PDZRN4: variants seen among roughly 807,000 people sequenced by gnomAD.
PDZRN4 encodes PDZ domain-containing RING finger protein 4.
Under a neutral mutation model 99.0 loss-of-function variants are expected in PDZRN4, and 70 were observed. That is an observed-to-expected ratio of 0.71 (90% CI 0.58 to 0.86). The LOEUF (loss-of-function observed/expected upper bound fraction) is 0.86, where lower values mean the gene tolerates loss of function less well. Ranked by LOEUF, PDZRN4 falls within the 40% of genes least tolerant of loss-of-function variation. The pLI is 0.00. For missense variants in PDZRN4, 1,474 were observed against 1,331.2 expected (o/e 1.11, Z -1.67); for synonymous variants, 551 against 501.6 (o/e 1.10, Z -1.32).
chr12:41,261,546 G>A (rs1261648119), intron 3 of PDZRN4, among the ~76,000 whole-genome samples: 2 of 152,168 alleles, frequency 1.3e-5, no homozygotes, highest in African/African-American at 2.4e-5. Flanking sequence ...CTGGAGTGCC[G>A]TGGCGCGATC....
chr12:41,293,492 T>C (rs1951470257), intron 3 of PDZRN4, among the ~76,000 whole-genome samples: 1 of 151,822 alleles, frequency 6.6e-6, no homozygotes, highest in Non-Finnish European at 1.5e-5. Context: ...CCCAACTCTC[T>C]CTGCCAGTAT....
In PDZRN4 at chr12:41,458,041, C is replaced by A. The variant is rs1282213213; in HGVS notation, c.844-48415C>A. Among the ~76,000 whole-genome samples the A allele has an allele frequency of 4.6e-5, 7 of 152,146 alleles. No homozygotes were observed. In the South Asian group the frequency reaches 6.2e-4, roughly 14 times the overall value. Reference sequence around the variant, plus strand: ...ACCAGAAAACTTCATGAAGAACATGCAATTCAAACTATTCCTTGACAGATG... The same window carrying A: ...ACCAGAAAACTTCATGAAGAACATGAAATTCAAACTATTCCTTGACAGATG... On this transcript the variant is annotated intron_variant, in intron 3 of 9. Coordinates refer to ENST00000402685, the MANE Select transcript of PDZRN4 (RefSeq NM_001164595.2).
At chr12:41,280,062 G>A (rs1416154167) in intron 3 of PDZRN4, among the ~76,000 whole-genome samples, 2 of 152,112 alleles carry the variant, frequency 1.3e-5, no homozygotes, top group Non-Finnish European at 2.9e-5. Context: ...ACCCATGGAG[G>A]GCGAGCAGAA....
At chr12:41,564,841 C>A (rs1256827641) in intron 8 of PDZRN4, among the ~76,000 whole-genome samples, 1 of 152,008 alleles carries the variant, frequency 6.6e-6, no homozygotes, top group Non-Finnish European at 1.5e-5. Flanking sequence ...CTCCCATTTT[C>A]TTCAAAAAAG....
At chr12:41,399,746 A>G (rs1189473713) in intron 3 of PDZRN4, among the ~76,000 whole-genome samples, 1 of 152,120 alleles carries the variant, frequency 6.6e-6, no homozygotes, top group Non-Finnish European at 1.5e-5. Flanking sequence ...CAAAAAAAAA[A>G]AAAAGTATTT....
chr12:41,205,991 G>T (rs1950847624), intron 3 of PDZRN4, among the ~76,000 whole-genome samples: 1 of 151,888 alleles, frequency 6.6e-6, no homozygotes, highest in South Asian at 2.1e-4. Flanking sequence ...CACTGTGCTT[G>T]TGATGTCCAC....
rs2090620149 is a variant in PDZRN4, at chr12:41,449,741, T to C, written c.844-56715T>C. ...TAGGATATATCTGTGTAAAATTAAA[T>C]GAATCAATTATTGACTTAGTAATTG... On this transcript the variant is annotated intron_variant, in intron 3 of 9. Coordinates refer to ENST00000402685, the MANE Select transcript of PDZRN4 (RefSeq NM_001164595.2). Among the ~76,000 whole-genome samples the C allele has an allele frequency of 3.3e-5, 5 of 152,228 alleles. No homozygotes were observed. In the South Asian group the frequency reaches 1.0e-3, roughly 32 times the overall value.
chr12:41,573,346 T>C lies in PDZRN4; in HGVS notation c.2567T>C (p.Leu856Ser). The C allele has an allele frequency of 6.2e-7, 1 of 1,613,308 alleles. No homozygotes were observed. Among genetic ancestry groups the C allele is most frequent in the Non-Finnish European group, 8.5e-7 (1 of 1,180,016 alleles). The change falls in exon 10 of 10, where the codon TTA becomes TCA. Residue 856 changes from leucine to serine, a missense_variant. By Grantham distance (145) the Leu-to-Ser change is moderately radical. Transcript: ENST00000402685. The stretch of plus-strand genomic sequence containing the variant: ...CGGCATTATCAAAGCTACATGCAGT[T>C]AATTCAACAGAAATCTGCAGTCGAG... Reference protein sequence around the residue: ...HARHYQSYMQLIQQKSAVEYA... With the variant: ...HARHYQSYMQSIQQKSAVEYA...
intron 3 of PDZRN4, among the ~76,000 whole-genome samples, chr12:41,430,186 T>G (rs1036651235): frequency 3.9e-5 from 6 of 152,114 alleles, no homozygotes; most frequent in African/African-American, 1.4e-4. Context: ...AAGAAACAAA[T>G]AGGCCAGGCA....
At chr12:41,545,069 CT>C (rs745312972) in intron 5 of PDZRN4, among the ~76,000 whole-genome samples, 21 of 152,242 alleles carry the variant, frequency 1.4e-4, no homozygotes, top group Non-Finnish European at 2.5e-4. Flanking sequence ...ATCCCTCCAA[CT>C]CACCCACTAT....
chr12:41,494,461 T>A (rs1937953286), intron 3 of PDZRN4, among the ~76,000 whole-genome samples: 1 of 152,158 alleles, frequency 6.6e-6, no homozygotes, highest in African/African-American at 2.4e-5. Flanking sequence ...TTTTTGTTAC[T>A]GTTGTTGTTA....
intron 3 of PDZRN4, among the ~76,000 whole-genome samples, chr12:41,491,437 G>A (rs527907220): frequency 3.3e-5 from 5 of 152,086 alleles, no homozygotes; most frequent in African/African-American, 9.7e-5. Flanking sequence ...CAGGAGAATC[G>A]CTTGAACCTG....
chr12:41,361,157 G>T (rs758358396), intron 3 of PDZRN4, among the ~76,000 whole-genome samples: 2 of 151,952 alleles, frequency 1.3e-5, no homozygotes, highest in African/African-American at 4.8e-5. Flanking sequence ...CTAGTTTATG[G>T]ATTACAGTTT....
chr12:41,459,730 C>A (rs541517244), intron 3 of PDZRN4, among the ~76,000 whole-genome samples: 2 of 152,294 alleles, frequency 1.3e-5, no homozygotes, highest in South Asian at 4.1e-4. Flanking sequence ...CACTATAAAT[C>A]ATTTTGCCTT....
intron 5 of PDZRN4, among the ~76,000 whole-genome samples, chr12:41,512,471 G>T (rs2120690293): frequency 6.6e-6 from 1 of 152,156 alleles, no homozygotes; most frequent in African/African-American, 2.4e-5. Flanking sequence ...TCAGAAAGAA[G>T]GAAGGGCAGG....
intron 3 of PDZRN4, among the ~76,000 whole-genome samples, chr12:41,254,973 G>A (rs1383164057): frequency 6.6e-6 from 1 of 152,162 alleles, no homozygotes; most frequent in Non-Finnish European, 1.5e-5. Context: ...GCAGCTACCT[G>A]GGAGGCTGAA....
intron 5 of PDZRN4, among the ~76,000 whole-genome samples, chr12:41,548,187 C>T (rs1416690374): frequency 1.3e-5 from 2 of 152,106 alleles, no homozygotes; most frequent in East Asian, 3.9e-4. Flanking sequence ...ATTTGATATT[C>T]CAGGAGTTTC....
intron 3 of PDZRN4, among the ~76,000 whole-genome samples, chr12:41,420,821 C>T (rs555692012): frequency 6.6e-6 from 1 of 152,276 alleles, no homozygotes; most frequent in South Asian, 2.1e-4. Flanking sequence ...GTGATCTTCA[C>T]ATCCATATTA....
intron 3 of PDZRN4, among the ~76,000 whole-genome samples, chr12:41,302,256 A>G (rs1185700999): frequency 6.6e-6 from 1 of 152,080 alleles, no homozygotes; most frequent in African/African-American, 2.4e-5. Context: ...AAATTTGTGT[A>G]CTTTTGTATT....
Sources: allele counts gnomAD v4.1 joint callset (sites outside exome capture counted in the v4.1 genomes callset), GRCh38; gene constraint gnomAD v4.1.1; transcripts MANE v1.5; gene names NCBI Gene and HGNC (gene_info 2026-07-23, HGNC 2026-07-21).